RAB40B: variants seen among roughly 807,000 people sequenced by gnomAD.
RAB40B encodes ras-related protein Rab-40B.
A neutral mutation model predicts 24.0 loss-of-function variants in RAB40B; 21 were observed. The observed-to-expected ratio is 0.88, with a 90% CI of 0.62 to 1.26. The LOEUF is 1.26. Among genes scored for constraint, RAB40B ranks in the 50% most tolerant of loss-of-function variants. The pLI is 0.00. For synonymous variants in RAB40B, 167 were observed against 169.8 expected (o/e 0.98, Z 0.13); for missense variants, 348 against 390.5 (o/e 0.89, Z 0.92).
intron 1 of RAB40B, among the ~76,000 whole-genome samples, chr17:82,691,898 C>A (rs202179634): frequency 0.013 from 2,047 of 152,244 alleles, 40 homozygotes; most frequent in African/African-American, 0.046. Flanking sequence ...GGGGACCCAG[C>A]TGCCAGACGG....
At chr17:82,676,937 A>AATTTATTTATTT (rs60578904) in intron 1 of RAB40B, among the ~76,000 whole-genome samples, 3 of 144,356 alleles carry the variant, frequency 2.1e-5, no homozygotes, top group African/African-American at 5.2e-5. Context: ...GTAGCCTACT[A>AATTTATTTATTT]ATTTATTTAT....
intron 1 of RAB40B, among the ~76,000 whole-genome samples, chr17:82,687,966 G>A (rs1006014015): frequency 1.1e-4 from 16 of 152,126 alleles, no homozygotes; most frequent in Admixed American, 8.5e-4. Flanking sequence ...CAGCCAACTG[G>A]GGGGCTGAGG....
At chr17:82,664,436 T>G (rs1490131609) in intron 2 of RAB40B, 60 bp downstream of exon 2, 2 of 1,558,274 alleles carry the variant, frequency 1.3e-6, no homozygotes, top group African/African-American at 2.7e-5. Flanking sequence ...GGGGGTGCTA[T>G]GCCAGCCAGG....
At chr17:82,687,272 T>C (rs1057503422) in intron 1 of RAB40B, among the ~76,000 whole-genome samples, 4 of 152,230 alleles carry the variant, frequency 2.6e-5, no homozygotes, top group Non-Finnish European at 5.9e-5. Context: ...AATTTCATAC[T>C]CTTCATACTT....
intron 1 of RAB40B, among the ~76,000 whole-genome samples, chr17:82,670,208 C>G (rs2046316100): frequency 8.8e-6 from 1 of 113,708 alleles, no homozygotes. Flanking sequence ...TTTTTTGAGA[C>G]AGAGTCTCGC....
intron 1 of RAB40B, among the ~76,000 whole-genome samples, chr17:82,680,898 C>T (rs1010087855): frequency 7.3e-5 from 11 of 151,524 alleles, no homozygotes; most frequent in Non-Finnish European, 1.2e-4. Context: ...GGCTTGGTGG[C>T]GTGCACCTGT....
intron 1 of RAB40B, among the ~76,000 whole-genome samples, chr17:82,670,557 C>T (rs2046320284): frequency 7.2e-6 from 1 of 138,312 alleles, no homozygotes; most frequent in African/African-American, 2.8e-5. Context: ...TTTTTTGAGA[C>T]GGAGTCTTAC....
intron 1 of RAB40B, among the ~76,000 whole-genome samples, chr17:82,691,321 G>C (rs548782157): frequency 6.6e-6 from 1 of 152,318 alleles, no homozygotes; most frequent in African/African-American, 2.4e-5. Context: ...CTCATGCTGG[G>C]GAAAAGGGTG....
rs141848764 is a variant in RAB40B at position 82,657,916 on chromosome 17, G to T, written c.784C>A (p.Pro262Thr). The stretch of plus-strand genomic sequence containing the variant: ...CAGTTTTTGGGGGGGCTCTGGGGGG[G>T]GCGGACGAGCTTCACTTTGCGGAGG... ...SSLRKVKLVR[P>T]PQSPPKNCTR... Residue 262 changes from proline to threonine, a missense_variant, in exon 6 of 6, where the codon CCC (proline) becomes ACC (threonine). Physicochemically the swap from Pro to Thr is conservative, Grantham distance 38. Transcript: ENST00000571995. 14 of 1,291,554 alleles carry T rather than the reference G, an allele frequency of 1.1e-5. No homozygotes were observed. The highest frequency in any genetic ancestry group is 1.1e-4 in the African/African-American group (7 of 66,334). 80.0% of individuals were successfully genotyped at this position (1,291,554 alleles called of 1,614,324 possible). A position where few individuals can be genotyped will look rare whatever the true frequency, so the allele number is the denominator to read the frequency against.
At position 82,660,215 on chromosome 17, in the gene RAB40B, GCA is replaced by G. The variant is rs577872632; in HGVS notation, c.265-560_265-559del. ...TACACATAGGCACTCATGCACAGATGCACACACAGTGCACACACGCAGTTCAT... is the reference window on the plus strand; with the variant it reads ...TACACATAGGCACTCATGCACAGATGCACACAGTGCACACACGCAGTTCAT... On this transcript the variant is annotated intron_variant, in intron 3 of 5. Transcript: ENST00000571995. Among the ~76,000 whole-genome samples the G allele has an allele frequency of 4.5e-4, 68 of 152,074 alleles. No individual in the cohort carries two copies. The South Asian group carries it at 0.01, about 23-fold the overall frequency.
At chr17:82,682,509 C>A (rs2046457344) in intron 1 of RAB40B, among the ~76,000 whole-genome samples, 1 of 152,142 alleles carries the variant, frequency 6.6e-6, no homozygotes, top group Non-Finnish European at 1.5e-5. Context: ...TAGTTTTAGT[C>A]CCAATCAAAA....
At chr17:82,665,560 T>C (rs1480584160) in intron 1 of RAB40B, among the ~76,000 whole-genome samples, 1 of 151,994 alleles carries the variant, frequency 6.6e-6, no homozygotes, top group Non-Finnish European at 1.5e-5. Flanking sequence ...GAACACTTCT[T>C]CTAAAATAAA....
intron 2 of RAB40B, chr17:82,662,021 C>A: frequency 4.1e-6 from 4 of 985,474 alleles, no homozygotes; most frequent in Non-Finnish European, 4.8e-6. Flanking sequence ...AACGAACACA[C>A]CTACATCAAT....
At chr17:82,668,049 G>A (rs2046279729) in intron 1 of RAB40B, among the ~76,000 whole-genome samples, 2 of 152,248 alleles carry the variant, frequency 1.3e-5, no homozygotes, top group South Asian at 4.1e-4. Flanking sequence ...GACAAGTGGA[G>A]GGTGAGCGAG....
At chr17:82,676,197 C>T (rs1319818986) in intron 1 of RAB40B, among the ~76,000 whole-genome samples, 3 of 152,160 alleles carry the variant, frequency 2.0e-5, no homozygotes, top group Non-Finnish European at 4.4e-5. Context: ...TCAGCAAAGG[C>T]TCCAACTCCT....
intron 1 of RAB40B, among the ~76,000 whole-genome samples, chr17:82,686,319 C>T (rs535094077): frequency 1.3e-5 from 2 of 152,200 alleles, no homozygotes; most frequent in African/African-American, 2.4e-5. Flanking sequence ...CCCATGTTGG[C>T]CAGGCTGGTC....
rs1283446704 is a variant in RAB40B, at chr17:82,667,375, CTCCACTT to C, written c.143-2826_143-2820del. On this transcript the variant is annotated intron_variant, in intron 1 of 5. Transcript: ENST00000571995. This position sits in a 1 kb window ranked among gnomAD's most constrained non-coding sequence, Gnocchi z 4.3. The stretch of plus-strand genomic sequence containing the variant: ...GTTGCAGCAGCTCTGGGCCTCTGTC[CTCCACTT>C]TCCACTGATGCAGCCATGAGCACGT... Among the ~76,000 whole-genome samples the C allele has an allele frequency of 6.6e-6, 1 of 152,230 alleles. No homozygotes were observed. The highest frequency in any genetic ancestry group is 1.9e-4 in the East Asian group (1 of 5,192).
chr17:82,685,641 A>G (rs1280851298), intron 1 of RAB40B, among the ~76,000 whole-genome samples: 1 of 152,106 alleles, frequency 6.6e-6, no homozygotes, highest in East Asian at 1.9e-4. Context: ...AGAAGAGGGG[A>G]CCCACAGGGT....
chr17:82,667,708 C>T lies in RAB40B; in HGVS notation c.143-3152G>A, dbSNP rs1328048575. Among the ~76,000 whole-genome samples the T allele has an allele frequency of 1.3e-5, 2 of 152,148 alleles. No homozygotes were observed. The highest frequency in any genetic ancestry group is 4.8e-5 in the African/African-American group (2 of 41,438). On this transcript the variant is annotated intron_variant, in intron 1 of 5. Transcript: ENST00000571995. The surrounding 1 kb of genome is among the most constrained non-coding windows in gnomAD (Gnocchi z 4.3). ...ACCAAGCAACACCAGAGCAAACTCC[C>T]CCCGTCAGAGGAGAGTGATTCAGAG...
Sources: gnomAD v4.1 joint callset for allele counts (sites outside exome capture counted in the v4.1 genomes callset) on GRCh38, gnomAD v4.1.1 for gene constraint, Gnocchi (gnomAD v3.1) non-coding constraint, MANE v1.5 for transcripts, NCBI Gene and HGNC (gene_info 2026-07-23, HGNC 2026-07-21) for gene names.